FSTL4: variants seen among roughly 807,000 people sequenced by gnomAD.
FSTL4 encodes the protein follistatin-related protein 4.
FSTL4 carries 28 observed loss-of-function variants against 78.2 expected under a neutral mutation model. The observed-to-expected ratio is 0.36, with a 90% confidence interval of 0.27 to 0.49. The LOEUF is 0.49. FSTL4 is among the 20% of genes least tolerant of loss of function. FSTL4 has a pLI of 0.98. For missense variants in FSTL4, 922 were observed against 1,084.9 expected, an observed-to-expected ratio of 0.85 and a Z score of 2.11; for synonymous variants, 422 against 440.5, an observed-to-expected ratio of 0.96 and a Z score of 0.53.
At chr5:133,528,438 T>G (rs1021387936) in intron 3 of FSTL4, among the ~76,000 whole-genome samples, 7 of 152,080 alleles carry the variant, frequency 4.6e-5, no homozygotes, top group Non-Finnish European at 1.0e-4. Context: ...CTCCTTCTGT[T>G]CTCTGGTTAG....
the FSTL4 span, among the ~76,000 whole-genome samples, chr5:133,699,646 C>T: frequency 1.3e-5 from 2 of 152,216 alleles, no homozygotes; most frequent in Non-Finnish European, 2.9e-5. Context: ...CTTTGGGAGG[C>T]CAAGGCGGGA....
At chr5:133,384,312 T>C (rs1237517403) in intron 4 of FSTL4, among the ~76,000 whole-genome samples, 2 of 152,180 alleles carry the variant, frequency 1.3e-5, no homozygotes, top group Admixed American at 6.5e-5. Flanking sequence ...TCTGAGTCAG[T>C]GGCCCGCTTT....
At chr5:133,761,111 T>G in the FSTL4 span, among the ~76,000 whole-genome samples, 2 of 152,228 alleles carry the variant, frequency 1.3e-5, no homozygotes, top group African/African-American at 4.8e-5. Context: ...AATATGAGCT[T>G]GTGAAGTTTC....
the FSTL4 span, among the ~76,000 whole-genome samples, chr5:133,730,299 T>C: frequency 6.6e-6 from 1 of 152,210 alleles, no homozygotes; most frequent in African/African-American, 2.4e-5. Flanking sequence ...AGATTCTCTG[T>C]ATTCTTCTTA....
chr5:133,591,566 C>T (rs1371690826), intron 2 of FSTL4, among the ~76,000 whole-genome samples: 1 of 152,112 alleles, frequency 6.6e-6, no homozygotes, highest in Admixed American at 6.5e-5. Context: ...CTGGAGGGCC[C>T]CTCACCCACT....
chr5:133,624,415 A>G, the FSTL4 span, among the ~76,000 whole-genome samples: 1 of 152,090 alleles, frequency 6.6e-6, no homozygotes, highest in Non-Finnish European at 1.5e-5. Context: ...GAAACAAAGC[A>G]GATTGGTGGT....
At chr5:133,564,340 T>C (rs1561470743) in intron 3 of FSTL4, among the ~76,000 whole-genome samples, 1 of 152,208 alleles carries the variant, frequency 6.6e-6, no homozygotes, top group Non-Finnish European at 1.5e-5. Context: ...TTGAATTTTC[T>C]TCAGTGCATC....
chr5:133,766,713 A>C, the FSTL4 span, among the ~76,000 whole-genome samples: 1 of 152,222 alleles, frequency 6.6e-6, no homozygotes. Flanking sequence ...CATTTGTTGA[A>C]GATCCAAGTG....
chr5:133,485,443 G>T (rs1006403709), intron 3 of FSTL4, among the ~76,000 whole-genome samples: 1 of 152,202 alleles, frequency 6.6e-6, no homozygotes, highest in African/African-American at 2.4e-5. Context: ...GGCAACAGCT[G>T]AATTTGGGAA....
the FSTL4 span, among the ~76,000 whole-genome samples, chr5:133,788,068 G>A: frequency 6.6e-6 from 1 of 152,198 alleles, no homozygotes; most frequent in Non-Finnish European, 1.5e-5. Flanking sequence ...CGTGTCGGAG[G>A]AGATCCAGGG....
chr5:133,519,364 C>T (rs1283240054), intron 3 of FSTL4, among the ~76,000 whole-genome samples: 1 of 152,236 alleles, frequency 6.6e-6, no homozygotes, highest in Non-Finnish European at 1.5e-5. Context: ...AGATGAACAC[C>T]TCTCAGACAG....
intron 4 of FSTL4, among the ~76,000 whole-genome samples, chr5:133,335,049 C>T (rs1475042046): frequency 1.3e-5 from 2 of 152,228 alleles, no homozygotes; most frequent in Non-Finnish European, 2.9e-5. Context: ...GGGTGTCCTA[C>T]ACAAACACTG....
chr5:133,384,795 G>A (rs1223877606), intron 4 of FSTL4, among the ~76,000 whole-genome samples: 1 of 152,108 alleles, frequency 6.6e-6, no homozygotes, highest in East Asian at 1.9e-4. Context: ...TAACCTGATG[G>A]TCCAGGTCTG....
chr5:133,384,444 G>A (rs980217424), intron 4 of FSTL4, among the ~76,000 whole-genome samples: 4 of 152,212 alleles, frequency 2.6e-5, no homozygotes, highest in Admixed American at 2.0e-4. Flanking sequence ...CTCAGGCCTC[G>A]CTGAGATGAC....
intron 6 of FSTL4, among the ~76,000 whole-genome samples, chr5:133,293,090 G>A (rs764043115): frequency 4.5e-4 from 68 of 152,206 alleles, no homozygotes; most frequent in Admixed American, 2.2e-3. Flanking sequence ...GCCACCTCCC[G>A]CCACTCCATC....
At chr5:133,631,890 A>G in the FSTL4 span, among the ~76,000 whole-genome samples, 1 of 152,160 alleles carries the variant, frequency 6.6e-6, no homozygotes. Flanking sequence ...CAGCAAAGTA[A>G]CAGAGGAACA....
intron 6 of FSTL4, among the ~76,000 whole-genome samples, chr5:133,285,461 G>A (rs575274267): frequency 6.6e-6 from 1 of 152,096 alleles, no homozygotes; most frequent in African/African-American, 2.4e-5. Context: ...CTCTGACTTG[G>A]GCAGGAAAGG....
At chr5:133,606,706 G>A (rs1048467214) in intron 1 of FSTL4, among the ~76,000 whole-genome samples, 1 of 152,056 alleles carries the variant, frequency 6.6e-6, no homozygotes, top group African/African-American at 2.4e-5. Flanking sequence ...TCACATAAAC[G>A]AAAAACAGCA....
chr5:133,676,042 T>C, the FSTL4 span, among the ~76,000 whole-genome samples: 1 of 152,140 alleles, frequency 6.6e-6, no homozygotes, highest in African/African-American at 2.4e-5. Flanking sequence ...GCCAGGGGGC[T>C]GGGAGACCCT....
Sources: allele counts gnomAD v4.1 joint callset (sites outside exome capture counted in the v4.1 genomes callset), GRCh38; gene constraint gnomAD v4.1.1; transcripts MANE v1.5; gene names NCBI Gene and HGNC (gene_info 2026-07-23, HGNC 2026-07-21).